Variants in NRDC observed in about 807,000 individuals in gnomAD.
NRDC encodes the protein nardilysin convertase, also known as nardilysin.
In NRDC, 54 loss-of-function variants were observed where a neutral mutation model predicts 147.1. The observed-to-expected ratio is 0.37, with a 90% CI of 0.29 to 0.46. The LOEUF (loss-of-function observed/expected upper bound fraction) is 0.46. Among genes scored for constraint, NRDC ranks in the 20% least tolerant of loss-of-function variants. The pLI is 1.00. For missense variants in NRDC, 1,082 were observed against 1,370.6 expected (o/e 0.79, Z 3.33); for synonymous variants, 440 against 482.1 (o/e 0.91, Z 1.14).
chr1:51,826,086 G>A (rs886492844), intron 5 of NRDC, among the ~76,000 whole-genome samples: 1 of 152,220 alleles, frequency 6.6e-6, no homozygotes, highest in Non-Finnish European at 1.5e-5. Flanking sequence ...AAATCTGCCA[G>A]TTCTTTGATC....
intron 2 of NRDC, 44 bp from the exon 3 acceptor site, chr1:51,836,256 A>T: frequency 6.3e-7 from 1 of 1,593,910 alleles, no homozygotes; most frequent in South Asian, 1.1e-5. Context: ...TCAACCCTAA[A>T]GGAATAATAT....
intron 20 of NRDC, among the ~76,000 whole-genome samples, chr1:51,802,274 T>G (rs1022751963): frequency 6.6e-6 from 1 of 152,174 alleles, no homozygotes; most frequent in Non-Finnish European, 1.5e-5. Context: ...GGTACTTGAA[T>G]TATTCTTTTT....
chr1:51,827,770 A>G (rs1166236337), intron 5 of NRDC, 26 bp downstream of exon 5: 1 of 1,580,266 alleles, frequency 6.3e-7, no homozygotes, highest in Admixed American at 1.7e-5. Context: ...AAAAAACTGT[A>G]GTTACACATA....
chr1:51,863,943 A>G (rs541543927), intron 1 of NRDC, among the ~76,000 whole-genome samples: 1 of 152,388 alleles, frequency 6.6e-6, no homozygotes, highest in East Asian at 1.9e-4. Context: ...CTGAACATCA[A>G]TAGCTTAACC....
In NRDC at chr1:51,851,341, TTTGA is replaced by T. The variant is rs916481399; in HGVS notation, c.342-10831_342-10828del. Among the ~76,000 whole-genome samples, 69 of 151,932 alleles carry T rather than the reference TTTGA, an allele frequency of 4.5e-4. 1 individual carries two copies. The highest frequency in any genetic ancestry group is 1.5e-3 in the African/African-American group (62 of 41,484). Reference sequence around the variant, plus strand: ...AGACTGAAACCTTGAAAAATCACAATTTGATTGTGATTTACTTGCTTGAAAATCT... The same window carrying T: ...AGACTGAAACCTTGAAAAATCACAATTTGTGATTTACTTGCTTGAAAATCT... On this transcript the variant is annotated intron_variant, in intron 1 of 30. Coordinates refer to ENST00000352171, the MANE Select transcript of NRDC (RefSeq NM_001101662.2).
chr1:51,860,957 T>TG (rs1682501490), intron 1 of NRDC, among the ~76,000 whole-genome samples: 1 of 151,952 alleles, frequency 6.6e-6, no homozygotes, highest in Admixed American at 6.6e-5. Context: ...ACTTCTTTTT[T>TG]TTTTTTTTTT....
intron 1 of NRDC, among the ~76,000 whole-genome samples, chr1:51,858,367 TACTC>T (rs1557935334): frequency 6.6e-6 from 1 of 151,260 alleles, no homozygotes; most frequent in Non-Finnish European, 1.5e-5. Flanking sequence ...TAGTTCCAGC[TACTC>T]AGGAGGCTGA....
At chr1:51,805,419 T>G (rs1336416486) in intron 19 of NRDC, 91 bp downstream of exon 19, 2 of 998,300 alleles carry the variant, frequency 2.0e-6, no homozygotes, top group African/African-American at 3.3e-5. Flanking sequence ...CAAATATGGA[T>G]AGAGAAAATG....
At chr1:51,821,633 G>C (rs1236291091) in intron 7 of NRDC, 78 bp from the exon 8 acceptor site, 4 of 1,014,368 alleles carry the variant, frequency 3.9e-6, no homozygotes, top group Non-Finnish European at 4.6e-6. Context: ...AGATTTCTCA[G>C]AGATCTTTAG....
At chr1:51,825,898 T>C (rs1216524865) in intron 5 of NRDC, among the ~76,000 whole-genome samples, 2 of 152,228 alleles carry the variant, frequency 1.3e-5, no homozygotes, top group African/African-American at 2.4e-5. Flanking sequence ...CCCAATGTGA[T>C]GGTATTTGGA....
At chr1:51,809,901 G>A (rs1679634680) in intron 16 of NRDC, among the ~76,000 whole-genome samples, 1 of 148,396 alleles carries the variant, frequency 6.7e-6, no homozygotes, top group Admixed American at 6.7e-5. Flanking sequence ...GCAAAACTCT[G>A]TCTCAAAAAA....
intron 20 of NRDC, 47 bp from the exon 21 acceptor site, chr1:51,800,730 A>T: frequency 6.3e-7 from 1 of 1,597,206 alleles, no homozygotes; most frequent in South Asian, 1.1e-5. Context: ...GAAATCCACT[A>T]GGTATTAGGG....
At chr1:51,817,859 C>T (rs1051243223) in intron 10 of NRDC, among the ~76,000 whole-genome samples, 1 of 152,166 alleles carries the variant, frequency 6.6e-6, no homozygotes, top group African/African-American at 2.4e-5. Flanking sequence ...TTAAGAAAGG[C>T]CACTATAACT....
chr1:51,853,243 T>TAAC (rs1682072211), intron 1 of NRDC, among the ~76,000 whole-genome samples: 1 of 150,198 alleles, frequency 6.7e-6, no homozygotes, highest in African/African-American at 2.5e-5. Flanking sequence ...ATATATATTA[T>TAAC]ATAAAAGAAT....
chr1:51,856,094 G>GTATC (rs1682228329), intron 1 of NRDC, among the ~76,000 whole-genome samples: 1 of 152,134 alleles, frequency 6.6e-6, no homozygotes, highest in African/African-American at 2.4e-5. Context: ...ATCTCAAATG[G>GTATC]TATCACATTC....
chr1:51,874,197 C>A (rs1248107440), intron 1 of NRDC, among the ~76,000 whole-genome samples: 2 of 151,070 alleles, frequency 1.3e-5, no homozygotes, highest in African/African-American at 4.9e-5. Flanking sequence ...CTTTCCTTCT[C>A]CATAGAAATA....
chr1:51,791,695 G>A lies in NRDC; in HGVS notation c.2877-34C>T, dbSNP rs763555071. 6 of 1,535,092 alleles carry A rather than the reference G, an allele frequency of 3.9e-6. No homozygotes were observed. The East Asian group carries it at 6.7e-5, about 17-fold the overall frequency. Reference sequence around the variant, plus strand: ...CAGAGAGAAAAGTTATATGAGCTCAGGTGATCATCTGGGCCCTGGCCTTGG... The same window carrying A: ...CAGAGAGAAAAGTTATATGAGCTCAAGTGATCATCTGGGCCCTGGCCTTGG... On this transcript the variant is annotated intron_variant, in intron 26 of 30. Transcript: ENST00000352171.
At chr1:51,872,884 C>A (rs1049146425) in intron 1 of NRDC, among the ~76,000 whole-genome samples, 2 of 151,518 alleles carry the variant, frequency 1.3e-5, no homozygotes, top group Non-Finnish European at 2.9e-5. Context: ...CTTTACAAGA[C>A]AAGTGAGAGT....
chr1:51,809,578 T>G (rs918785283), intron 16 of NRDC, among the ~76,000 whole-genome samples, 177 bp from the exon 17 acceptor site: 1 of 152,174 alleles, frequency 6.6e-6, no homozygotes, highest in African/African-American at 2.4e-5. Context: ...CTAGCAGCAC[T>G]GGCATCACCT....
Sources: allele counts gnomAD v4.1 joint callset (sites outside exome capture counted in the v4.1 genomes callset), GRCh38; gene constraint gnomAD v4.1.1; transcripts MANE v1.5; gene names NCBI Gene and HGNC (gene_info 2026-07-23, HGNC 2026-07-21).